The following RASSF3 variants were observed in gnomAD, a reference collection of about 807,000 sequenced individuals.
The protein encoded by RASSF3 is Ras association domain family member 3, also known as ras association domain-containing protein 3.
RASSF3 carries 19 observed loss-of-function variants against 19.9 expected under a neutral mutation model. The observed-to-expected ratio is 0.96, with a 90% CI of 0.67 to 1.40. RASSF3 has a LOEUF of 1.40. RASSF3 is among the 40% of genes most tolerant of loss of function. The pLI, the probability that RASSF3 is intolerant of heterozygous loss-of-function variation, is 0.00. For missense variants in RASSF3, 306 were observed against 289.8 expected (o/e 1.06, Z -0.41); for synonymous variants, 110 against 104.2 (o/e 1.06, Z -0.34).
intron 1 of RASSF3, among the ~76,000 whole-genome samples, chr12:64,681,865 C>T (rs775921225): frequency 3.9e-5 from 6 of 151,974 alleles, no homozygotes; most frequent in Non-Finnish European, 8.8e-5. Flanking sequence ...ATTAGCTAGG[C>T]GCAGTGGTGC....
intron 2 of RASSF3, among the ~76,000 whole-genome samples, chr12:64,602,325 A>G (rs1246539550): frequency 6.6e-6 from 1 of 150,928 alleles, no homozygotes; most frequent in East Asian, 2.0e-4. Flanking sequence ...TCACGCCTGT[A>G]ATCCCAGCAC....
At chr12:64,680,407 G>A (rs944136809) in intron 1 of RASSF3, among the ~76,000 whole-genome samples, 5 of 151,976 alleles carry the variant, frequency 3.3e-5, no homozygotes, top group Admixed American at 2.0e-4. Context: ...ACCACGCCCC[G>A]TGAGGACGGG....
At chr12:64,582,845 T>C (rs1215998209) in intron 2 of RASSF3, among the ~76,000 whole-genome samples, 1 of 152,186 alleles carries the variant, frequency 6.6e-6, no homozygotes, top group East Asian at 1.9e-4. Flanking sequence ...TTGGCACTAC[T>C]ATTGATTTTC....
chr12:64,523,733 G>A (rs976813525), intron 1 of RASSF3, among the ~76,000 whole-genome samples: 3 of 151,814 alleles, frequency 2.0e-5, no homozygotes, highest in African/African-American at 7.2e-5. Context: ...GTCTTGCTAT[G>A]TTGCCCAGGC....
intron 1 of RASSF3, among the ~76,000 whole-genome samples, chr12:64,673,852 C>T (rs1872785763): frequency 6.6e-6 from 1 of 151,464 alleles, no homozygotes; most frequent in African/African-American, 2.4e-5. Flanking sequence ...GAGGTGGGGA[C>T]CTCATGCTGG....
intron 2 of RASSF3, among the ~76,000 whole-genome samples, chr12:64,571,990 T>C (rs961359124): frequency 7.2e-5 from 11 of 152,186 alleles, no homozygotes; most frequent in African/African-American, 1.4e-4. Context: ...CTAGAATTCA[T>C]AGGTTATGAC....
chr12:64,684,673 C>T (rs1425802585), intron 1 of RASSF3, 114 bp from the exon 2 acceptor site: 7 of 662,920 alleles, frequency 1.1e-5, no homozygotes, highest in Admixed American at 2.4e-5. Context: ...TCAGGTGATC[C>T]GCCCACCTCA....
upstream of RASSF3, chr12:64,533,183 G>T (rs901043333): frequency 6.6e-6 from 1 of 152,276 alleles, no homozygotes; most frequent in Non-Finnish European, 1.5e-5. Flanking sequence ...TCTGAGTCAC[G>T]CAGGTCAGCC....
chr12:64,560,218 C>CTTAG (rs1477645138), intron 2 of RASSF3, among the ~76,000 whole-genome samples: 1 of 152,210 alleles, frequency 6.6e-6, no homozygotes, highest in African/African-American at 2.4e-5. Context: ...GGGCCCTGAC[C>CTTAG]TTAGCTTAAC....
chr12:64,529,254 T>C (rs1262014761), upstream of RASSF3, among the ~76,000 whole-genome samples: 1 of 152,226 alleles, frequency 6.6e-6, no homozygotes, highest in East Asian at 1.9e-4. Flanking sequence ...AAGTCAAGTC[T>C]TCAGGAAGTA....
chr12:64,689,295 G>T (rs1431775780), intron 3 of RASSF3, among the ~76,000 whole-genome samples: 1 of 151,748 alleles, frequency 6.6e-6, no homozygotes, highest in Non-Finnish European at 1.5e-5. Context: ...AAAGCCTAAT[G>T]TAGCTATAGA....
In RASSF3 at chr12:64,597,971, G is replaced by A. The variant is rs145635678; in HGVS notation, c.294+56266G>A. On this transcript the variant is annotated intron_variant, in intron 2 of 5. Coordinates refer to the RASSF3 transcript ENST00000637125. ...CTCACTCTGTCACCCAGGCTGGAGTGCAGTGGTGCAATCTCAGTTTACTGC... is the reference window on the plus strand; with the variant it reads ...CTCACTCTGTCACCCAGGCTGGAGTACAGTGGTGCAATCTCAGTTTACTGC... 2.3e-3 allele frequency among the ~76,000 whole-genome samples: 355 copies of A among 152,310 alleles called. 1 individual carries two copies. Among genetic ancestry groups the A allele is most frequent in the African/African-American group, 8.2e-3 (340 of 41,574 alleles).
At chr12:64,553,581 T>A (rs1869202239) in intron 2 of RASSF3, among the ~76,000 whole-genome samples, 1 of 152,232 alleles carries the variant, frequency 6.6e-6, no homozygotes. Context: ...AGACCTTGGA[T>A]GTCAGGCAAC....
intron 1 of RASSF3, among the ~76,000 whole-genome samples, chr12:64,665,577 A>G (rs917102736): frequency 6.6e-6 from 1 of 152,162 alleles, no homozygotes; most frequent in African/African-American, 2.4e-5. Context: ...CACCAGTGCC[A>G]TGTCAGTTTA....
chr12:64,541,628 G>C (rs771429174), exon 2 of RASSF3: 2 of 398,536 alleles, frequency 5.0e-6, no homozygotes, highest in Non-Finnish European at 8.8e-6. Context: ...GGTACATCTG[G>C]ATTATCCACA....
intron 2 of RASSF3, among the ~76,000 whole-genome samples, chr12:64,548,166 A>G (rs990749885): frequency 1.8e-4 from 27 of 151,966 alleles, no homozygotes; most frequent in African/African-American, 5.6e-4. Context: ...ATATCTTTTT[A>G]AATTTTTTAT....
At chr12:64,662,588 A>C (rs1354615146) in intron 1 of RASSF3, among the ~76,000 whole-genome samples, 1 of 152,218 alleles carries the variant, frequency 6.6e-6, no homozygotes, top group Non-Finnish European at 1.5e-5. Flanking sequence ...AACAAAAACA[A>C]GATAAATGCC....
chr12:64,618,448 TC>T (rs1273943906), intron 1 of RASSF3, among the ~76,000 whole-genome samples: 2 of 152,192 alleles, frequency 1.3e-5, no homozygotes, highest in Non-Finnish European at 2.9e-5. Flanking sequence ...TGCCTCAGCC[TC>T]CCAAGTAGCT....
intron 2 of RASSF3, among the ~76,000 whole-genome samples, chr12:64,602,051 A>G (rs922056108): frequency 2.7e-5 from 4 of 150,160 alleles, no homozygotes; most frequent in African/African-American, 9.8e-5. Flanking sequence ...TGGGAGTCAG[A>G]GCTTGCAGTG....
Sources: allele counts gnomAD v4.1 joint callset (sites outside exome capture counted in the v4.1 genomes callset), GRCh38; gene constraint gnomAD v4.1.1; transcripts MANE v1.5; gene names NCBI Gene and HGNC (gene_info 2026-07-23, HGNC 2026-07-21).